The following ATP8A2 variants were observed in gnomAD, a reference collection of about 807,000 sequenced individuals.
ATP8A2 encodes the protein phospholipid-transporting ATPase IB.
Under a neutral mutation model 165.6 loss-of-function variants are expected in ATP8A2, and 100 were observed. That is an observed-to-expected ratio of 0.60 (90% confidence interval 0.51 to 0.71). The LOEUF (loss-of-function observed/expected upper bound fraction) is 0.71. Among genes scored for constraint, ATP8A2 ranks in the 30% least tolerant of loss-of-function variants. ATP8A2 has a pLI of 0.00. For synonymous variants in ATP8A2, 543 were observed against 548.8 expected (o/e 0.99, Z 0.15); for missense variants, 1,227 against 1,479.5 (o/e 0.83, Z 2.80).
chr13:25,885,335 A>G (rs1260626324), intron 33 of ATP8A2, among the ~76,000 whole-genome samples: 3 of 150,662 alleles, frequency 2.0e-5, no homozygotes, highest in East Asian at 3.9e-4. Flanking sequence ...CTGGTCTCGA[A>G]CTCCTGACCT....
intron 33 of ATP8A2, among the ~76,000 whole-genome samples, chr13:25,946,955 C>T (rs1008083934): frequency 2.0e-5 from 3 of 152,160 alleles, no homozygotes; most frequent in African/African-American, 7.2e-5. Flanking sequence ...GCCATGCTTG[C>T]CAGGCTGGTC....
chr13:25,864,413 C>G (rs1288112355), intron 33 of ATP8A2, among the ~76,000 whole-genome samples: 1 of 152,184 alleles, frequency 6.6e-6, no homozygotes, highest in African/African-American at 2.4e-5. Context: ...GAGATACCGA[C>G]TTTCCAACTG....
At chr13:25,866,338 G>C (rs1357842906) in intron 33 of ATP8A2, among the ~76,000 whole-genome samples, 1 of 152,190 alleles carries the variant, frequency 6.6e-6, no homozygotes, top group East Asian at 1.9e-4. Flanking sequence ...AGAGAATTGT[G>C]ATGAAGATAT....
chr13:25,965,477 C>A (rs1234947320), intron 34 of ATP8A2, among the ~76,000 whole-genome samples: 1 of 152,154 alleles, frequency 6.6e-6, no homozygotes, highest in Non-Finnish European at 1.5e-5. Context: ...TCATATGGGA[C>A]AAAACTAAGC....
intron 24 of ATP8A2, among the ~76,000 whole-genome samples, chr13:25,619,461 A>G (rs983096672): frequency 6.6e-6 from 1 of 152,238 alleles, no homozygotes; most frequent in Non-Finnish European, 1.5e-5. Context: ...AAAAGACACT[A>G]TAAATAAACT....
chr13:25,490,882 T>C (rs1485706366), intron 2 of ATP8A2, among the ~76,000 whole-genome samples: 1 of 151,912 alleles, frequency 6.6e-6, no homozygotes, highest in African/African-American at 2.4e-5. Flanking sequence ...GCTGGGAATA[T>C]AGGCACACGT....
At chr13:25,579,060 A>T (rs2039696971) in intron 21 of ATP8A2, among the ~76,000 whole-genome samples, 161 bp downstream of exon 21, 1 of 152,210 alleles carries the variant, frequency 6.6e-6, no homozygotes, top group Admixed American at 6.5e-5. Flanking sequence ...ATTTACCTGT[A>T]GATGCCTCTG....
chr13:25,623,190 C>G (rs1347370279), intron 24 of ATP8A2, among the ~76,000 whole-genome samples: 1 of 152,100 alleles, frequency 6.6e-6, no homozygotes, highest in Non-Finnish European at 1.5e-5. Flanking sequence ...TCAAGACCAC[C>G]TGGGCAACAT....
chr13:25,598,550 T>A (rs2040298444), intron 24 of ATP8A2, among the ~76,000 whole-genome samples: 1 of 152,218 alleles, frequency 6.6e-6, no homozygotes, highest in Non-Finnish European at 1.5e-5. Context: ...GTTTTCAGTG[T>A]ACAGGACTTG....
intron 24 of ATP8A2, among the ~76,000 whole-genome samples, chr13:25,663,097 T>C (rs1256122895): frequency 6.6e-6 from 1 of 152,178 alleles, no homozygotes; most frequent in Non-Finnish European, 1.5e-5. Context: ...CTTGGCAGAT[T>C]TGAGGACATT....
intron 24 of ATP8A2, among the ~76,000 whole-genome samples, chr13:25,667,588 A>G (rs2042180111): frequency 6.6e-6 from 1 of 151,982 alleles, no homozygotes; most frequent in South Asian, 2.1e-4. Context: ...GTCAGATGCC[A>G]GGGACATGTC....
chr13:25,912,154 AG>A (rs1211815989), intron 33 of ATP8A2, among the ~76,000 whole-genome samples: 1 of 88,264 alleles, frequency 1.1e-5, no homozygotes, highest in African/African-American at 5.1e-5. Context: ...AGAAAATGTG[AG>A]ACACACACAC....
At chr13:26,014,049 C>G (rs1416134334) in intron 36 of ATP8A2, among the ~76,000 whole-genome samples, 1 of 152,182 alleles carries the variant, frequency 6.6e-6, no homozygotes, top group African/African-American at 2.4e-5. Flanking sequence ...ATTGCAGCCT[C>G]AGACTCTGGC....
In ATP8A2 at chr13:25,555,029, C is replaced by T. The variant is rs1319001568; in HGVS notation, c.1224C>T (p.Ala408=). Residue 408 remains alanine (A), a synonymous_variant, in exon 13 of 37, where the codon GCC becomes GCT. Coordinates refer to ENST00000381655, the MANE Select transcript of ATP8A2 (RefSeq NM_016529.6). ...DMYYIGNDTP[A]MARTSNLNEE... is the part of the protein sequence containing the mutation. ...ATTATATAGGAAATGACACTCCTGC[C>T]ATGGCCAGGACATCAAACCTTAATG... 6.2e-7 allele frequency: 1 copy of T among 1,613,120 alleles called. No individual in the cohort carries two copies. The highest frequency in any genetic ancestry group is 1.7e-5 in the Admixed American group (1 of 59,992).
At chr13:26,012,694 GGAGCGGGC>G in intron 36 of ATP8A2, 72 bp downstream of exon 36, 2 of 812,620 alleles carry the variant, frequency 2.5e-6, no homozygotes, top group Non-Finnish European at 1.6e-6. Flanking sequence ...AGGAGTTGGG[GGAGCGGGC>G]GCTGATGGGG....
At chr13:25,665,484 C>T (rs1262291055) in intron 24 of ATP8A2, among the ~76,000 whole-genome samples, 2 of 150,740 alleles carry the variant, frequency 1.3e-5, no homozygotes, top group African/African-American at 2.5e-5. Flanking sequence ...TTTTTTTCCT[C>T]AGGTGCAGAG....
chr13:25,542,720 T>C (rs1311946281), intron 9 of ATP8A2, among the ~76,000 whole-genome samples: 2 of 152,128 alleles, frequency 1.3e-5, no homozygotes, highest in Admixed American at 1.3e-4. Context: ...TTATTATAAA[T>C]ATGACAACTA....
chr13:25,851,319 C>G (rs550772125), intron 30 of ATP8A2, among the ~76,000 whole-genome samples: 1 of 152,180 alleles, frequency 6.6e-6, no homozygotes, highest in Non-Finnish European at 1.5e-5. Flanking sequence ...CCGTGGCTCA[C>G]GCCTGTAATC....
intron 27 of ATP8A2, among the ~76,000 whole-genome samples, chr13:25,823,516 A>C (rs1951231746): frequency 6.6e-6 from 1 of 152,070 alleles, no homozygotes; most frequent in Admixed American, 6.5e-5. Flanking sequence ...CTTGGTTTCT[A>C]TCTTTTACTA....
Sources: allele counts gnomAD v4.1 joint callset (sites outside exome capture counted in the v4.1 genomes callset), GRCh38; gene constraint gnomAD v4.1.1; transcripts MANE v1.5; gene names NCBI Gene and HGNC (gene_info 2026-07-23, HGNC 2026-07-21).